The following ORM2 variants were observed in gnomAD, a reference collection of about 807,000 sequenced individuals.
ORM2 encodes orosomucoid 2.
Under a neutral mutation model 26.8 loss-of-function variants are expected in ORM2, and 19 were observed. That is an observed-to-expected ratio of 0.71 (90% CI 0.49 to 1.04). ORM2 has a LOEUF of 1.04. Among genes scored for constraint, ORM2 ranks in the 50% least tolerant of loss-of-function variants. ORM2 has a pLI of 0.00. For missense variants in ORM2, 259 were observed against 244.9 expected (o/e 1.06, Z -0.39); for synonymous variants, 94 against 100.0 (o/e 0.94, Z 0.36).
chr9:114,332,365 T>C (rs1829869067), intron 5 of ORM2, among the ~76,000 whole-genome samples: 1 of 152,108 alleles, frequency 6.6e-6, no homozygotes, highest in South Asian at 2.1e-4. Context: ...ACAGTCACCA[T>C]CCCGATTTTT....
rs1444809568 is a variant in ORM2 at position 114,331,634 on chromosome 9, C to T, written c.396C>T (p.Ser132=). The part of the protein sequence containing the change: ...LRDTKTLMFG[S]YLDDEKNWGL... ...ACACCAAGACCTTGATGTTTGGTTCCTACCTGGACGATGAGAAGAACTGGG... is the reference window on the plus strand; with the variant it reads ...ACACCAAGACCTTGATGTTTGGTTCTTACCTGGACGATGAGAAGAACTGGG... Residue 132 remains serine (S), a synonymous_variant, in exon 4 of 6, where the codon TCC becomes TCT. Coordinates refer to ENST00000431067, the MANE Select transcript of ORM2 (RefSeq NM_000608.4). The T allele has an allele frequency of 6.2e-7, 1 of 1,613,934 alleles. No homozygotes were observed. Among genetic ancestry groups the T allele is most frequent in the Non-Finnish European group, 8.5e-7 (1 of 1,179,962 alleles).
At chr9:114,331,516 C>A in intron 3 of ORM2, 51 bp from the exon 4 acceptor site, 3 of 1,449,450 alleles carry the variant, frequency 2.1e-6, no homozygotes, top group East Asian at 2.3e-5. Context: ...GTAAGACAGG[C>A]ACCATTGTGC....
At position 114,329,983 on chromosome 9, in the gene ORM2, G is replaced by T. The variant is rs755873204; in HGVS notation, c.79G>T (p.Val27Leu). Residue 27 changes from valine (V) to leucine (L), a missense_variant, in exon 1 of 6, where the codon GTA (valine) becomes TTA (leucine). Physicochemically the swap from Val to Leu is conservative, Grantham distance 32 (BLOSUM62 1). This residue lies in a region of ORM2 where 251 missense variants were observed against 220.5 expected (regional missense o/e 1.14). Coordinates refer to ENST00000431067, the MANE Select transcript of ORM2 (RefSeq NM_000608.4). The part of the protein sequence containing the change: ...EAQIPLCANL[V>L]PVPITNATLD... Reference sequence around the variant, plus strand: ...CCAGATCCCATTGTGTGCCAACCTAGTACCGGTGCCCATCACCAACGCCAC... The same window carrying T: ...CCAGATCCCATTGTGTGCCAACCTATTACCGGTGCCCATCACCAACGCCAC... The T allele has an allele frequency of 2.5e-6, 4 of 1,578,092 alleles. No homozygotes were observed. The Admixed American group carries it at 7.0e-5, about 28-fold the overall frequency.
intron 5 of ORM2, among the ~76,000 whole-genome samples, chr9:114,332,865 T>A (rs1311492837): frequency 1.3e-5 from 2 of 152,146 alleles, no homozygotes; most frequent in Non-Finnish European, 2.9e-5. Flanking sequence ...TGAGCTCCCA[T>A]TGTAGAGGCA....
intron 2 of ORM2, 21 bp downstream of exon 2, chr9:114,330,597 GC>G: frequency 6.2e-7 from 1 of 1,611,436 alleles, no homozygotes; most frequent in Non-Finnish European, 8.5e-7. Flanking sequence ...CCATTCCAAT[GC>G]ACCCCCATCT....
chr9:114,332,221 G>C (rs572566680), intron 5 of ORM2, among the ~76,000 whole-genome samples: 2,895 of 151,468 alleles, frequency 0.019, 118 homozygotes, highest in African/African-American at 0.067. Flanking sequence ...GACGTAATGC[G>C]GGGAGTTACC....
At chr9:114,331,055 C>T (rs541751052) in intron 3 of ORM2, among the ~76,000 whole-genome samples, 193 bp downstream of exon 3, 1 of 152,228 alleles carries the variant, frequency 6.6e-6, no homozygotes, top group South Asian at 2.1e-4. Context: ...AACATAAGAA[C>T]AGAGACCTCA....
At chr9:114,331,340 G>A (rs1419672662) in intron 3 of ORM2, among the ~76,000 whole-genome samples, 1 of 152,050 alleles carries the variant, frequency 6.6e-6, no homozygotes, top group African/African-American at 2.4e-5. Context: ...GGGGAGAAAG[G>A]CCCTGACAGC....
In ORM2 at chr9:114,330,865, G is replaced by T. The variant is rs1393537886; in HGVS notation, c.328+3G>T. On this transcript the variant is annotated splice_donor_region_variant and intron_variant, in intron 3 of 5. Coordinates refer to ENST00000431067, the MANE Select transcript of ORM2 (RefSeq NM_000608.4). ...GAATGGGACCGTCTCCAGATACGGT[G>T]AGGGCCAGCCCTCAGGCAGGAGGGT... 1 of 1,613,016 alleles carries T rather than the reference G, an allele frequency of 6.2e-7. No homozygotes were observed.
intron 5 of ORM2, among the ~76,000 whole-genome samples, chr9:114,332,264 A>G (rs1829866355): frequency 6.6e-6 from 1 of 151,872 alleles, no homozygotes; most frequent in South Asian, 2.1e-4. Context: ...CCAGGCTTTC[A>G]CCCCACCTCC....
chr9:114,330,584 C>T lies in ORM2; in HGVS notation c.257+8C>T, dbSNP rs1332409598. 2 of 1,612,350 alleles carry T rather than the reference C, an allele frequency of 1.2e-6. No individual in the cohort carries two copies. Among genetic ancestry groups the T allele is most frequent in the Admixed American group, 1.7e-5 (1 of 59,938 alleles). On this transcript the variant is annotated splice_region_variant and intron_variant, in intron 2 of 5. Coordinates refer to ENST00000431067, the MANE Select transcript of ORM2 (RefSeq NM_000608.4). ...CAGAGAGTACCAGACCCGGTGAGAG[C>T]CCCCATTCCAATGCACCCCCATCTC...
rs771752640 is a variant in ORM2 at position 114,330,538 on chromosome 9, G to T, written c.219G>T (p.Lys73Asn). 6.2e-7 allele frequency: 1 copy of T among 1,612,580 alleles called. No individual in the cohort carries two copies. Among genetic ancestry groups the T allele is most frequent in the Non-Finnish European group, 8.5e-7 (1 of 1,179,936 alleles). ...CCTTCTTTTACTTTACCCCCAACAA[G>T]ACAGAGGACACGATCTTTCTCAGAG... ...QATFFYFTPN[K>N]TEDTIFLREY... is the part of the protein sequence containing the mutation. The change falls in exon 2 of 6, where the codon AAG becomes AAT. Residue 73 changes from lysine to asparagine, a missense_variant. This residue lies in a region of ORM2 where 251 missense variants were observed against 220.5 expected (regional missense o/e 1.14). Transcript: ENST00000431067.
At position 114,331,567 on chromosome 9, in the gene ORM2, AG is replaced by A. The variant is rs1187623021; in HGVS notation, c.332del (p.Gly111GlufsTer18). The part of the protein sequence containing the change: ...QRENGTVSRY[E>X]GGREHVAHLL... ...CCCAGAGGCTCTTTTTCTCTTCCAGAGGGAGGCCGAGAACATGTTGCTCACC... is the reference window on the plus strand; with the variant it reads ...CCCAGAGGCTCTTTTTCTCTTCCAGAGGAGGCCGAGAACATGTTGCTCACC... On this transcript the variant is annotated frameshift_variant and splice_region_variant, in exon 4 of 6. Coordinates refer to ENST00000431067, the MANE Select transcript of ORM2 (RefSeq NM_000608.4). LOFTEE classifies it high-confidence loss of function. The A allele has an allele frequency of 9.3e-6, 15 of 1,612,208 alleles. No individual in the cohort carries two copies. Among genetic ancestry groups the A allele is most frequent in the Non-Finnish European group, 1.3e-5 (15 of 1,178,662 alleles).
At position 114,331,736 on chromosome 9, in the gene ORM2, C is replaced by T; in HGVS notation, c.436+62C>T. 6 of 1,583,516 alleles carry T rather than the reference C, an allele frequency of 3.8e-6. No homozygotes were observed. The South Asian group carries it at 4.4e-5, about 12-fold the overall frequency. ...TCAGGCCTCACCCCCCATTCACCCA[C>T]CCCTGGGCTGGCCCCTAGAACCCCA... On this transcript the variant is annotated intron_variant, in intron 4 of 5. Transcript: ENST00000431067.
At chr9:114,332,281 C>T (rs1766092) in intron 5 of ORM2, among the ~76,000 whole-genome samples, 14,020 of 150,896 alleles carry the variant, frequency 0.093, 1,065 homozygotes, top group African/African-American at 0.31. Flanking sequence ...CTCCACTCCC[C>T]GCTCATTTTT....
intron 3 of ORM2, 145 bp from the exon 4 acceptor site, chr9:114,331,422 G>T (rs1453247894): frequency 1.6e-6 from 1 of 638,216 alleles, no homozygotes; most frequent in Non-Finnish European, 2.8e-6. Flanking sequence ...ACGCAGCAGG[G>T]GCTGGGCACA....
intron 3 of ORM2, 22 bp from the exon 4 acceptor site, chr9:114,331,545 A>C: frequency 6.3e-7 from 1 of 1,591,952 alleles, no homozygotes; most frequent in Non-Finnish European, 8.6e-7. Context: ...GTTCTCACCC[A>C]GAGGCTCTTT....
chr9:114,330,061 G>A (rs1354223332), intron 1 of ORM2, 43 bp downstream of exon 1: 1 of 1,609,694 alleles, frequency 6.2e-7, no homozygotes, highest in East Asian at 2.2e-5. Context: ...ATGGGCAGCT[G>A]CCTCCCTTCT....
At chr9:114,332,741 C>A (rs1321172046) in intron 5 of ORM2, among the ~76,000 whole-genome samples, 1 of 152,156 alleles carries the variant, frequency 6.6e-6, no homozygotes, top group Non-Finnish European at 1.5e-5. Context: ...GGCCACCCTG[C>A]TCCTCAGTTA....
Sources: allele counts gnomAD v4.1 joint callset (sites outside exome capture counted in the v4.1 genomes callset), GRCh38; gene constraint gnomAD v4.1.1; regional missense constraint gnomAD v4.1.1; transcripts MANE v1.5; gene names NCBI Gene and HGNC (gene_info 2026-07-23, HGNC 2026-07-21).